ZNF18: variants seen among roughly 807,000 people sequenced by gnomAD.
The protein encoded by ZNF18 is zinc finger protein 18.
Under a neutral mutation model 58.1 loss-of-function variants are expected in ZNF18, and 42 were observed. The observed-to-expected ratio is 0.72, with a 90% CI of 0.56 to 0.93. The LOEUF (loss-of-function observed/expected upper bound fraction) is 0.93. Ranked by LOEUF, ZNF18 falls within the 40% of genes least tolerant of loss-of-function variation. ZNF18 has a pLI of 0.00. For missense variants in ZNF18, 540 were observed against 644.2 expected, an observed-to-expected ratio of 0.84 and a Z score of 1.75; for synonymous variants, 231 against 239.8, an observed-to-expected ratio of 0.96 and a Z score of 0.34.
intron 6 of ZNF18, among the ~76,000 whole-genome samples, chr17:11,981,484 TTTTG>T (rs1245984049): frequency 2.6e-5 from 4 of 151,476 alleles, no homozygotes; most frequent in Non-Finnish European, 1.5e-5. Flanking sequence ...ATGCCCGGTT[TTTTG>T]TTTTTTTTTG....
chr17:12,010,858 T>C, the ZNF18 span: 1 of 484,074 alleles, frequency 2.1e-6, no homozygotes, highest in Non-Finnish European at 3.8e-6. Flanking sequence ...CCCAGGTACT[T>C]TTCTCTTTGT....
At position 11,992,712 on chromosome 17, in the gene ZNF18, C is replaced by T. The variant is rs769046477; in HGVS notation, c.118G>A (p.Ala40Thr). Residue 40 changes from alanine to threonine, a missense_variant, in exon 2 of 7, where the codon GCA (alanine) becomes ACA (threonine). By Grantham distance (58) the Ala-to-Thr change is moderately conservative. Coordinates refer to ENST00000580306, the MANE Select transcript of ZNF18 (RefSeq NM_001303281.2). Reference protein sequence around the residue: ...LQEELSSPETARQLFRQFRYQ... With the variant: ...LQEELSSPETTRQLFRQFRYQ... ...CGGAACTGCCTGAAAAGCTGGCGTG[C>T]GGTCTCAGGGCTGGAGAGTTCCTCT... is the stretch of plus-strand genomic sequence containing the variant. 7.4e-6 allele frequency: 12 copies of T among 1,614,238 alleles called. No individual in the cohort carries two copies. The highest frequency in any genetic ancestry group is 5.5e-5 in the South Asian group (5 of 91,090).
intron 4 of ZNF18, among the ~76,000 whole-genome samples, chr17:11,989,000 A>G (rs1967927618): frequency 6.6e-6 from 1 of 152,048 alleles, no homozygotes; most frequent in African/African-American, 2.4e-5. Context: ...CTCTACTAAA[A>G]ATACAAAAAT....
chr17:11,999,908 C>G (rs1829377349), upstream of ZNF18, among the ~76,000 whole-genome samples: 1 of 152,124 alleles, frequency 6.6e-6, no homozygotes, highest in Non-Finnish European at 1.5e-5. Context: ...AACCTCCAGG[C>G]AGAGGAAATT....
chr17:11,980,198 T>G (rs1035124529), intron 6 of ZNF18, among the ~76,000 whole-genome samples: 1 of 152,226 alleles, frequency 6.6e-6, no homozygotes, highest in African/African-American at 2.4e-5. Flanking sequence ...ACTTAAATAT[T>G]GAATATTTTT....
intron 6 of ZNF18, among the ~76,000 whole-genome samples, chr17:11,979,438 T>A (rs1485263164): frequency 6.6e-6 from 1 of 152,238 alleles, no homozygotes; most frequent in Non-Finnish European, 1.5e-5. Context: ...ACAGCTGCAA[T>A]GCAGCGGGGC....
At chr17:12,017,217 T>C in the ZNF18 span, among the ~76,000 whole-genome samples, 1 of 151,924 alleles carries the variant, frequency 6.6e-6, no homozygotes, top group Admixed American at 6.6e-5. Context: ...ATTAGTAACA[T>C]CTTCTTTTAT....
the ZNF18 span, among the ~76,000 whole-genome samples, chr17:12,007,416 ATTC>A: frequency 6.6e-6 from 1 of 152,122 alleles, no homozygotes; most frequent in Non-Finnish European, 1.5e-5. Context: ...ACCACCCAGA[ATTC>A]TTCTTCGGTC....
At chr17:12,020,560 G>A in the ZNF18 span, among the ~76,000 whole-genome samples, 1 of 152,218 alleles carries the variant, frequency 6.6e-6, no homozygotes, top group Admixed American at 6.5e-5. Context: ...ACCTCCATGG[G>A]AATGATGAAA....
upstream of ZNF18, among the ~76,000 whole-genome samples, chr17:12,000,633 T>C (rs1221647927): frequency 6.6e-6 from 1 of 152,148 alleles, no homozygotes; most frequent in Admixed American, 6.5e-5. Context: ...CCATAATCGC[T>C]TGAGCCCAGG....
chr17:11,978,302 G>GT lies in ZNF18; in HGVS notation c.1304dup (p.Tyr435Ter). 5 of 1,603,968 alleles carry GT rather than the reference G, an allele frequency of 3.1e-6. No individual in the cohort carries two copies. Among genetic ancestry groups the GT allele is most frequent in the Non-Finnish European group, 3.4e-6 (4 of 1,176,098 alleles). The change falls in exon 7 of 7, where the codon TAC becomes TAAC. Residue 435 changes from tyrosine (Y) to a stop codon, truncating the protein, a stop_gained and frameshift_variant. Transcript: ENST00000580306. LOFTEE classifies it high-confidence loss of function. ...CTTTTTTGCAGATGGTGCACTGAAA[G>GT]TATGTCTCTCCGGTGTGAGTTCTTT... ...FHQRTHTGETYFQCTICKKAF... is the reference protein window; with the variant it reads ...FHQRTHTGET
At chr17:12,021,388 G>T in the ZNF18 span, 1 of 153,166 alleles carries the variant, frequency 6.5e-6, no homozygotes, top group East Asian at 1.9e-4. Context: ...AGCGGGAGGG[G>T]CGTCGGGCCT....
At chr17:12,020,699 C>A in the ZNF18 span, 1 of 358,886 alleles carries the variant, frequency 2.8e-6, no homozygotes. Flanking sequence ...CAGAGCCGGG[C>A]GGTTCTGCAG....
upstream of ZNF18, among the ~76,000 whole-genome samples, chr17:11,998,872 C>A (rs529456879): frequency 4.8e-4 from 53 of 110,166 alleles, no homozygotes; most frequent in African/African-American, 1.9e-3. Flanking sequence ...GACGGGGTTT[C>A]ACCATGTTGG....
the ZNF18 span, among the ~76,000 whole-genome samples, chr17:12,017,234 C>A: frequency 6.6e-6 from 1 of 152,010 alleles, no homozygotes; most frequent in Admixed American, 6.6e-5. Flanking sequence ...TTATCTGAAC[C>A]AGATGAAACT....
the ZNF18 span, chr17:12,020,770 C>CG: frequency 4.7e-6 from 2 of 426,178 alleles, no homozygotes; most frequent in Non-Finnish European, 7.7e-6. Flanking sequence ...GAGGCGTGTC[C>CG]GGGGCGTGTC....
chr17:11,991,324 G>C (rs931131439), intron 2 of ZNF18, among the ~76,000 whole-genome samples, 161 bp from the exon 3 acceptor site: 1 of 152,208 alleles, frequency 6.6e-6, no homozygotes, highest in African/African-American at 2.4e-5. Context: ...ACCAGGGAAA[G>C]AAACGTCCCA....
the ZNF18 span, among the ~76,000 whole-genome samples, chr17:12,015,592 T>C: frequency 3.9e-5 from 6 of 152,136 alleles, no homozygotes; most frequent in Non-Finnish European, 8.8e-5. Context: ...GTGGAAAAAA[T>C]TGTAGTTAGT....
chr17:11,983,010 A>G (rs1305139460), intron 6 of ZNF18, among the ~76,000 whole-genome samples: 1 of 152,150 alleles, frequency 6.6e-6, no homozygotes, highest in Non-Finnish European at 1.5e-5. Flanking sequence ...ATTTGTGTGA[A>G]TCTTAATTCT....
Sources: allele counts gnomAD v4.1 joint callset (sites outside exome capture counted in the v4.1 genomes callset), GRCh38; gene constraint gnomAD v4.1.1; transcripts MANE v1.5; gene names NCBI Gene and HGNC (gene_info 2026-07-23, HGNC 2026-07-21).